CYP26B1: variants seen among roughly 807,000 people sequenced by gnomAD.
CYP26B1 encodes cytochrome P450 26B1.
In CYP26B1, 8 loss-of-function variants were observed where a neutral mutation model predicts 39.1. The ratio of observed to expected loss-of-function variants is 0.20; its 90% CI spans 0.12 to 0.37. The LOEUF (loss-of-function observed/expected upper bound fraction) is 0.37, where lower values mean the gene tolerates loss of function less well. Among genes scored for constraint, CYP26B1 ranks in the 10% least tolerant of loss-of-function variants. The pLI, the probability that CYP26B1 is intolerant of heterozygous loss-of-function variation, is 1.00. For synonymous variants in CYP26B1, 321 were observed against 314.3 expected (o/e 1.02, Z -0.23); for missense variants, 615 against 707.0 (o/e 0.87, Z 1.48).
In CYP26B1 at chr2:72,130,450, C is replaced by CT. The variant is rs1415360908; in HGVS notation, c.*1776dup. On this transcript the variant is annotated 3_prime_UTR_variant, in exon 6 of 6. Transcript: ENST00000001146. Reference sequence around the variant, plus strand: ...TGTGGTATGGGCCCGTTCCTATAGTCTATCTTCAGGGTGGCTGTGAGTGGG... The same window carrying CT: ...TGTGGTATGGGCCCGTTCCTATAGTCTTATCTTCAGGGTGGCTGTGAGTGGG... 1 of 152,202 alleles carries CT rather than the reference C, an allele frequency of 6.6e-6. No individual in the cohort carries two copies. Among genetic ancestry groups the CT allele is most frequent in the African/African-American group, 2.4e-5 (1 of 41,416 alleles). 9.4% of individuals were successfully genotyped at this position (152,202 alleles called of 1,614,324 possible).
chr2:72,147,764 A>G lies in CYP26B1; in HGVS notation c.71T>C (p.Leu24Pro), dbSNP rs780969490. ...TLAACLVSVT[L>P]LLAVSQQLWQ... ...CAGCTGCTGCGACACGGCCAGCAGC[A>G]GCGTCACGGACACCAGGCACGCGGC... Residue 24 changes from leucine (L) to proline (P), a missense_variant, in exon 1 of 6, where the codon CTG becomes CCG. Leu to Pro is a moderately conservative substitution (Grantham distance 98). Coordinates refer to ENST00000001146, the MANE Select transcript of CYP26B1 (RefSeq NM_019885.4). The surrounding 1 kb of genome is among the most constrained non-coding windows in gnomAD (Gnocchi z 6.1). 8.2e-6 allele frequency: 13 copies of G among 1,581,752 alleles called. No individual in the cohort carries two copies. The East Asian group carries it at 3.0e-4, about 37-fold the overall frequency.
intron 2 of CYP26B1, among the ~76,000 whole-genome samples, chr2:72,140,286 A>AC (rs1676906205): frequency 6.6e-6 from 1 of 152,178 alleles, no homozygotes; most frequent in African/African-American, 2.4e-5. Flanking sequence ...ACTCCCAGGC[A>AC]CCCTGGCAGC....
intron 1 of CYP26B1, among the ~76,000 whole-genome samples, chr2:72,146,257 A>G (rs892825422): frequency 2.0e-5 from 3 of 148,464 alleles, no homozygotes; most frequent in Non-Finnish European, 4.4e-5. Flanking sequence ...CCGTTGCCCA[A>G]GTTATTTTAT....
intron 1 of CYP26B1, among the ~76,000 whole-genome samples, chr2:72,146,745 C>T (rs879819852): frequency 4.6e-5 from 7 of 152,228 alleles, no homozygotes; most frequent in African/African-American, 1.7e-4. Context: ...TCCGCTCCCC[C>T]ACCCCAAGAA....
intron 2 of CYP26B1, among the ~76,000 whole-genome samples, chr2:72,136,977 CA>C (rs1280132124): frequency 6.6e-6 from 1 of 152,174 alleles, no homozygotes; most frequent in Non-Finnish European, 1.5e-5. Context: ...GGAAACAAGA[CA>C]GGGGCAGGAA....
chr2:72,132,863 T>C (rs1382896626), intron 5 of CYP26B1, among the ~76,000 whole-genome samples, 160 bp downstream of exon 5: 1 of 152,234 alleles, frequency 6.6e-6, no homozygotes, highest in Non-Finnish European at 1.5e-5. Flanking sequence ...CCTGATGCAT[T>C]TGGGGCGCAC....
chr2:72,142,105 G>A (rs1429926353), intron 2 of CYP26B1, among the ~76,000 whole-genome samples: 4 of 32,952 alleles, frequency 1.2e-4, no homozygotes, highest in African/African-American at 3.7e-4. Context: ...TCCCCCCACC[G>A]CATTCCTGAG....
intron 2 of CYP26B1, among the ~76,000 whole-genome samples, chr2:72,139,539 G>C (rs1043527059): frequency 6.6e-6 from 1 of 152,130 alleles, no homozygotes; most frequent in Non-Finnish European, 1.5e-5. Context: ...GCCTGCCTGC[G>C]ATTTGACTCC....
chr2:72,147,238 AG>A lies in CYP26B1; in HGVS notation c.204+392del, dbSNP rs1450312327. On this transcript the variant is annotated intron_variant, in intron 1 of 5. Coordinates refer to ENST00000001146, the MANE Select transcript of CYP26B1 (RefSeq NM_019885.4). This position sits in a 1 kb window ranked among gnomAD's most constrained non-coding sequence, Gnocchi z 6.1. ...CGACACAGCCAACCCCAGAAAGCCGAGGGCGACTGGGGGCTTGCAGCACCGA... is the reference window on the plus strand; with the variant it reads ...CGACACAGCCAACCCCAGAAAGCCGAGGCGACTGGGGGCTTGCAGCACCGA... Among the ~76,000 whole-genome samples, 8 of 152,222 alleles carry A rather than the reference AG, an allele frequency of 5.3e-5. No individual in the cohort carries two copies. In the Middle Eastern group the frequency reaches 0.014, roughly 259 times the overall value.
chr2:72,144,385 G>T, intron 1 of CYP26B1, 172 bp from the exon 2 acceptor site: 1 of 1,433,396 alleles, frequency 7.0e-7, no homozygotes, highest in African/African-American at 1.4e-5. Flanking sequence ...CAAGAACTGC[G>T]AAGTAGGGCC....
chr2:72,132,179 A>C lies in CYP26B1; in HGVS notation c.*48T>G. On this transcript the variant is annotated 3_prime_UTR_variant, in exon 6 of 6. Transcript: ENST00000001146. The stretch of plus-strand genomic sequence containing the variant: ...CCACACACAGGTTTCTACCTCCCAC[A>C]ACCACCACCCCGCTGCCTGGGCTGG... 8 of 1,566,558 alleles carry C rather than the reference A, an allele frequency of 5.1e-6. No homozygotes were observed. The highest frequency in any genetic ancestry group is 6.9e-6 in the Non-Finnish European group (8 of 1,155,664).
At position 72,144,139 on chromosome 2, in the gene CYP26B1, C is replaced by T. The variant is rs761538348; in HGVS notation, c.279G>A (p.Leu93=). 12 of 1,610,938 alleles carry T rather than the reference C, an allele frequency of 7.4e-6. No homozygotes were observed. The Admixed American group carries it at 1.8e-4, about 25-fold the overall frequency. ...CGTTCTCCGCGCCGGTCACGCGTAT[C>T]AGCGGCCGCCCCAACAAATGCGTCT... The part of the protein sequence containing the change: ...VFKTHLLGRP[L]IRVTGAENVR... Residue 93 remains leucine, a synonymous_variant, in exon 2 of 6, where the codon CTG becomes CTA. Coordinates refer to ENST00000001146, the MANE Select transcript of CYP26B1 (RefSeq NM_019885.4).
At chr2:72,145,500 T>C (rs1386595048) in intron 1 of CYP26B1, among the ~76,000 whole-genome samples, 1 of 152,128 alleles carries the variant, frequency 6.6e-6, no homozygotes, top group East Asian at 1.9e-4. Flanking sequence ...CTAGACGGCG[T>C]CTACCCCTTT....
intron 2 of CYP26B1, among the ~76,000 whole-genome samples, chr2:72,136,371 C>A (rs957090820): frequency 6.6e-6 from 1 of 152,206 alleles, no homozygotes; most frequent in Non-Finnish European, 1.5e-5. Flanking sequence ...ACCGCATAAA[C>A]TGTAAATGTG....
chr2:72,134,871 T>C lies in CYP26B1; in HGVS notation c.751A>G (p.Ile251Val). 6.2e-7 allele frequency: 1 copy of C among 1,614,178 alleles called. No homozygotes were observed. The highest frequency in any genetic ancestry group is 1.1e-5 in the South Asian group (1 of 91,092). ...TGTGTGCACTGCAGCTTCTCCCGGA[T>C]GGCCTTCTCCAGCCCCTTCTGCAGG... ...QILQKGLEKA[I>V]REKLQCTQGK... is the part of the protein sequence containing the mutation. The change falls in exon 4 of 6, where the codon ATC becomes GTC. Residue 251 changes from isoleucine to valine, a missense_variant. Ile to Val is a conservative substitution (Grantham distance 29). Coordinates refer to ENST00000001146, the MANE Select transcript of CYP26B1 (RefSeq NM_019885.4).
chr2:72,143,908 G>C, intron 2 of CYP26B1, 81 bp downstream of exon 2: 1 of 1,515,722 alleles, frequency 6.6e-7, no homozygotes, highest in Non-Finnish European at 9.1e-7. Context: ...GATTCGGTAG[G>C]GGACATTCCC....
At chr2:72,143,420 C>T (rs1396666488) in intron 2 of CYP26B1, among the ~76,000 whole-genome samples, 1 of 151,196 alleles carries the variant, frequency 6.6e-6, no homozygotes, top group Non-Finnish European at 1.5e-5. Flanking sequence ...CGCCTGCTCT[C>T]CCCCCGCCCG....
intron 2 of CYP26B1, among the ~76,000 whole-genome samples, chr2:72,137,224 G>A (rs906897236): frequency 1.3e-5 from 2 of 152,176 alleles, no homozygotes; most frequent in Non-Finnish European, 2.9e-5. Flanking sequence ...AGCCAAAGTC[G>A]AAGCTGGTGG....
At chr2:72,146,633 T>G (rs1677130862) in intron 1 of CYP26B1, among the ~76,000 whole-genome samples, 2 of 152,188 alleles carry the variant, frequency 1.3e-5, no homozygotes, top group Admixed American at 6.5e-5. Context: ...TCGCTTCACC[T>G]CTCTAGTGCG....
Sources: gnomAD v4.1 joint callset for allele counts (sites outside exome capture counted in the v4.1 genomes callset) on GRCh38, gnomAD v4.1.1 for gene constraint, Gnocchi (gnomAD v3.1) non-coding constraint, MANE v1.5 for transcripts, NCBI Gene and HGNC (gene_info 2026-07-23, HGNC 2026-07-21) for gene names.